Variants in KIF26B observed in about 807,000 individuals in gnomAD.
KIF26B encodes kinesin-like protein KIF26B.
A neutral mutation model predicts 151.2 loss-of-function variants in KIF26B; 63 were observed. That is an observed-to-expected ratio of 0.42 (90% CI 0.34 to 0.51). The LOEUF is 0.51. KIF26B is among the 20% of genes least tolerant of loss of function. KIF26B has a pLI of 0.07. For synonymous variants in KIF26B, 1,357 were observed against 1,262.1 expected (o/e 1.08, Z -1.59); for missense variants, 2,813 against 2,913.6 (o/e 0.97, Z 0.79).
At chr1:245,391,880 T>C (rs1486306371) in intron 3 of KIF26B, among the ~76,000 whole-genome samples, 1 of 152,032 alleles carries the variant, frequency 6.6e-6, no homozygotes, top group Non-Finnish European at 1.5e-5. Context: ...TTACGGTTGC[T>C]CTTATGCCAG....
At chr1:245,365,475 C>G (rs980969014) in intron 2 of KIF26B, among the ~76,000 whole-genome samples, 4 of 151,574 alleles carry the variant, frequency 2.6e-5, no homozygotes, top group Non-Finnish European at 5.9e-5. Flanking sequence ...AACCACCCCC[C>G]AAATGCTGAT....
chr1:245,600,289 C>CT (rs2043381801), intron 5 of KIF26B, among the ~76,000 whole-genome samples: 1 of 108,422 alleles, frequency 9.2e-6, no homozygotes, highest in Middle Eastern at 4.5e-3. Flanking sequence ...CCGCCCGCCT[C>CT]GGCCTCCCAA....
intron 4 of KIF26B, among the ~76,000 whole-genome samples, chr1:245,527,524 C>CTTTTGTTTTTTTTTTTTTT: frequency 2.0e-5 from 1 of 50,710 alleles, no homozygotes; most frequent in Non-Finnish European, 3.2e-5. Flanking sequence ...TTTGGGATGG[C>CTTTTGTTTTTTTTTTTTTT]TTTTTTTTTT....
At chr1:245,584,896 C>T (rs2043209426) in intron 5 of KIF26B, among the ~76,000 whole-genome samples, 1 of 152,108 alleles carries the variant, frequency 6.6e-6, no homozygotes, top group Admixed American at 6.5e-5. Context: ...AGTCAGAAGC[C>T]ACTTCGATTT....
chr1:245,491,405 A>G (rs1281844464), intron 4 of KIF26B, among the ~76,000 whole-genome samples: 5 of 152,056 alleles, frequency 3.3e-5, no homozygotes, highest in African/African-American at 1.2e-4. Flanking sequence ...CTTGCCTGGG[A>G]TGTTCTGCCA....
chr1:245,438,758 A>G (rs1658993129), intron 4 of KIF26B, among the ~76,000 whole-genome samples: 1 of 152,210 alleles, frequency 6.6e-6, no homozygotes, highest in Non-Finnish European at 1.5e-5. Context: ...AATCTCAAAT[A>G]ATGATGGTAA....
intron 4 of KIF26B, among the ~76,000 whole-genome samples, chr1:245,509,038 C>T (rs904682062): frequency 1.3e-5 from 2 of 152,048 alleles, no homozygotes; most frequent in African/African-American, 4.8e-5. Context: ...GTTTAAAGAC[C>T]AATAGTAGAG....
chr1:245,417,087 A>G (rs1674437727), intron 3 of KIF26B, among the ~76,000 whole-genome samples: 1 of 145,764 alleles, frequency 6.9e-6, no homozygotes, highest in Non-Finnish European at 1.5e-5. Context: ...CCGCCCCATC[A>G]TGACACTGGC....
intron 4 of KIF26B, among the ~76,000 whole-genome samples, chr1:245,505,679 C>T (rs1660717503): frequency 6.6e-6 from 1 of 152,182 alleles, no homozygotes; most frequent in Non-Finnish European, 1.5e-5. Context: ...GCCACTGCGG[C>T]TCATACATAA....
chr1:245,165,893 G>A (rs536123103), intron 2 of KIF26B, among the ~76,000 whole-genome samples: 11 of 152,328 alleles, frequency 7.2e-5, no homozygotes, highest in African/African-American at 2.6e-4. Flanking sequence ...AAAGCCAATG[G>A]CATTGTGTCC....
intron 3 of KIF26B, among the ~76,000 whole-genome samples, chr1:245,388,881 C>G (rs1163053761): frequency 6.6e-6 from 1 of 152,200 alleles, no homozygotes; most frequent in Non-Finnish European, 1.5e-5. Context: ...CTGTGCGCAC[C>G]TTTGCCTGAA....
chr1:245,685,769 T>C lies in KIF26B; in HGVS notation c.2786T>C (p.Leu929Pro). ...CTGAAGTGCAACACGTTTGCCGAGC[T>C]GCAGGAGAGGCTGGACTGCATCGAC... ...DCLKCNTFAE[L>P]QERLDCIDGS... Residue 929 changes from leucine (L) to proline (P), a missense_variant, in exon 12 of 15, where the codon CTG becomes CCG. Around this residue, in one of 3 missense-constraint regions of KIF26B, gnomAD observed 2,060 missense variants for 2,088.6 expected, o/e 0.99. Coordinates refer to ENST00000407071, the MANE Select transcript of KIF26B (RefSeq NM_018012.4). 1 of 1,612,160 alleles carries C rather than the reference T, an allele frequency of 6.2e-7. No individual in the cohort carries two copies. Among genetic ancestry groups the C allele is most frequent in the Admixed American group, 1.7e-5 (1 of 60,006 alleles).
chr1:245,581,022 G>A (rs1325801489), intron 5 of KIF26B, among the ~76,000 whole-genome samples: 1 of 152,206 alleles, frequency 6.6e-6, no homozygotes, highest in East Asian at 1.9e-4. Flanking sequence ...TCTCTGCATA[G>A]AGCATCTTTC....
Position 245,481,518 on chromosome 1 carries a change from A to G in KIF26B, c.1167-59249A>G, listed in dbSNP as rs116285748. 5.1e-3 allele frequency among the ~76,000 whole-genome samples: 768 copies of G among 152,066 alleles called. 21 individuals carry two copies. The highest frequency in any genetic ancestry group is 8.9e-3 in the Non-Finnish European group (602 of 67,860). On this transcript the variant is annotated intron_variant, in intron 4 of 14. Coordinates refer to ENST00000407071, the MANE Select transcript of KIF26B (RefSeq NM_018012.4). ...GGAAACTCGATGTGTATCCAGCATC[A>G]CTGAGTGCTCAGGTCTGCAGACTGC...
intron 3 of KIF26B, 113 bp from the exon 4 acceptor site, chr1:245,419,466 G>A: frequency 1.1e-6 from 1 of 908,812 alleles, no homozygotes; most frequent in Non-Finnish European, 1.6e-6. Flanking sequence ...AATGCAGGTG[G>A]GATAGAAACC....
At chr1:245,338,869 T>A (rs987592454) in intron 2 of KIF26B, among the ~76,000 whole-genome samples, 1 of 152,198 alleles carries the variant, frequency 6.6e-6, no homozygotes, top group Admixed American at 6.5e-5. Flanking sequence ...TCAGAAGGAT[T>A]CAGTGATTAG....
At chr1:245,474,806 C>A (rs1350127792) in intron 4 of KIF26B, among the ~76,000 whole-genome samples, 1 of 151,918 alleles carries the variant, frequency 6.6e-6, no homozygotes, top group African/African-American at 2.4e-5. Context: ...CCATCCCAGC[C>A]TCTGGTAACC....
chr1:245,210,922 C>T (rs917684465), intron 2 of KIF26B, among the ~76,000 whole-genome samples: 3 of 152,196 alleles, frequency 2.0e-5, no homozygotes, highest in Non-Finnish European at 4.4e-5. Flanking sequence ...CAGCTCCACC[C>T]ATTATCCTTT....
chr1:245,575,750 A>G (rs1663815708), intron 5 of KIF26B, among the ~76,000 whole-genome samples: 1 of 152,164 alleles, frequency 6.6e-6, no homozygotes, highest in Non-Finnish European at 1.5e-5. Flanking sequence ...ATATCATAAT[A>G]TCATAAATGT....
Sources: gnomAD v4.1 joint callset for allele counts (sites outside exome capture counted in the v4.1 genomes callset) on GRCh38, gnomAD v4.1.1 for gene constraint, gnomAD v4.1.1 regional missense constraint, MANE v1.5 for transcripts, NCBI Gene and HGNC (gene_info 2026-07-23, HGNC 2026-07-21) for gene names.